DIPK2B: variants seen among roughly 807,000 people sequenced by gnomAD.
DIPK2B encodes UPF0672 protein CXorf36.
A neutral mutation model predicts 22.2 loss-of-function variants in DIPK2B; 15 were observed. The ratio of observed to expected loss-of-function variants is 0.68; its 90% CI spans 0.45 to 1.04. The LOEUF is 1.04. Among genes scored for constraint, DIPK2B ranks in the 50% least tolerant of loss-of-function variants. The probability of loss-of-function intolerance (pLI) is 0.00; values close to 1 mark genes in which losing one functional copy is unlikely to be tolerated. For missense variants in DIPK2B, 345 were observed against 348.3 expected, an observed-to-expected ratio of 0.99 and a Z score of 0.08; for synonymous variants, 163 against 153.2, an observed-to-expected ratio of 1.06 and a Z score of -0.47.
chrX:45,156,167 T>G (rs1157324451), intron 3 of DIPK2B, among the ~76,000 whole-genome samples: 1 of 108,970 alleles, frequency 9.2e-6, no homozygotes, highest in African/African-American at 3.4e-5. Flanking sequence ...AGACTGGGCT[T>G]CATCATGTTG....
In DIPK2B at chrX:45,163,506, G is replaced by A. The variant is rs2047032413; in HGVS notation, c.499-5618C>T. 2.4e-5 allele frequency: 18 copies of A among 752,411 alleles called. No individual in the cohort carries two copies. The South Asian group carries it at 1.2e-3, about 48-fold the overall frequency. 62.0% of individuals were successfully genotyped at this position (752,411 alleles called of 1,213,427 possible). ...AATAGAGGAGAAGTAGCTTCCCCAA[G>A]GAGTCATTTGACCTGCGATTGGCTT... is the stretch of plus-strand genomic sequence containing the variant. On this transcript the variant is annotated intron_variant, in intron 2 of 4. Coordinates refer to ENST00000398000, the MANE Select transcript of DIPK2B (RefSeq NM_176819.4).
chrX:45,187,760 A>G (rs943232866), intron 2 of DIPK2B, among the ~76,000 whole-genome samples: 3 of 111,129 alleles, frequency 2.7e-5, no homozygotes, highest in Non-Finnish European at 5.7e-5. Flanking sequence ...AACCGGCCAG[A>G]TCCCTCCTCC....
intron 3 of DIPK2B, 41 bp from the exon 4 acceptor site, chrX:45,154,239 G>A: frequency 9.1e-7 from 1 of 1,094,662 alleles, no homozygotes; most frequent in Non-Finnish European, 1.2e-6. Flanking sequence ...GAAAAATCTG[G>A]TGACAGCTCT....
intron 1 of DIPK2B, among the ~76,000 whole-genome samples, 187 bp downstream of exon 1, chrX:45,200,407 T>C (rs2047260973): frequency 8.9e-6 from 1 of 112,234 alleles, no homozygotes; most frequent in Non-Finnish European, 1.9e-5. Flanking sequence ...CATTTAGGGC[T>C]GGAATTTGGC....
chrX:45,169,186 T>A (rs897950473), intron 2 of DIPK2B, among the ~76,000 whole-genome samples: 2 of 111,679 alleles, frequency 1.8e-5, no homozygotes, highest in African/African-American at 6.5e-5. Context: ...AAGATGGTTA[T>A]CCTCATAATT....
At chrX:45,162,866 T>G in intron 2 of DIPK2B, 3 of 754,385 alleles carry the variant, frequency 4.0e-6, no homozygotes, top group Non-Finnish European at 4.7e-6. Flanking sequence ...CTTGGCTATA[T>G]TGTTACTTGA....
chrX:45,172,078 A>G (rs1422300271), intron 2 of DIPK2B, among the ~76,000 whole-genome samples: 1 of 111,972 alleles, frequency 8.9e-6, no homozygotes, highest in Non-Finnish European at 1.9e-5. Context: ...GTCTGCTGAG[A>G]GATAATGGAG....
At chrX:45,181,146 A>C (rs1238089224) in intron 2 of DIPK2B, among the ~76,000 whole-genome samples, 1 of 112,122 alleles carries the variant, frequency 8.9e-6, no homozygotes, top group Non-Finnish European at 1.9e-5. Context: ...AACATCAAAA[A>C]ACATCAAATA....
At chrX:45,174,127 C>T (rs946142174) in intron 2 of DIPK2B, among the ~76,000 whole-genome samples, 1 of 111,581 alleles carries the variant, frequency 9.0e-6, no homozygotes, top group Non-Finnish European at 1.9e-5. Flanking sequence ...AGTTCCAACC[C>T]AGGTCTGTCA....
At position 45,200,751 on chromosome X, in the gene DIPK2B, G is replaced by A. The variant is rs370832509; in HGVS notation, c.76C>T (p.Leu26=). ...WLALLLWVSA[L]SCSFSLPASS... ...GCTGGCAAGGAGAAAGAACAGCTCA[G>A]GGCTGAGACCCACAGCAGCAGGGCC... The change falls in exon 1 of 5, where the codon CTG becomes TTG. Residue 26 remains leucine, a synonymous_variant. Coordinates refer to ENST00000398000, the MANE Select transcript of DIPK2B (RefSeq NM_176819.4). 19 of 1,210,150 alleles carry A rather than the reference G, an allele frequency of 1.6e-5. No individual in the cohort carries two copies. The African/African-American group carries it at 3.3e-4, about 21-fold the overall frequency.
chrX:45,176,189 GC>G (rs1327972729), intron 2 of DIPK2B, among the ~76,000 whole-genome samples: 2 of 110,796 alleles, frequency 1.8e-5, no homozygotes, highest in African/African-American at 6.6e-5. Flanking sequence ...TCACCACTGG[GC>G]TATGGACAGG....
chrX:45,198,642 T>C (rs1195757076), intron 1 of DIPK2B, among the ~76,000 whole-genome samples: 2 of 111,857 alleles, frequency 1.8e-5, no homozygotes, highest in African/African-American at 6.5e-5. Context: ...TATTGCCCTT[T>C]GGTGAATATG....
intron 2 of DIPK2B, among the ~76,000 whole-genome samples, chrX:45,175,185 G>A (rs920377564): frequency 3.6e-5 from 4 of 111,878 alleles, no homozygotes; most frequent in Non-Finnish European, 7.5e-5. Flanking sequence ...TAGCAGGTAT[G>A]TGGTAGTTTT....
At chrX:45,155,244 A>G (rs1204534901) in intron 3 of DIPK2B, among the ~76,000 whole-genome samples, 2 of 109,711 alleles carry the variant, frequency 1.8e-5, no homozygotes, top group Non-Finnish European at 3.8e-5. Context: ...CCAACATGGC[A>G]TAGCCTTGTC....
At chrX:45,159,656 G>T (rs1001114491) in intron 2 of DIPK2B, among the ~76,000 whole-genome samples, 1 of 111,184 alleles carries the variant, frequency 9.0e-6, no homozygotes, top group African/African-American at 3.3e-5. Context: ...GAGACCATCA[G>T]GTGCCCAGCA....
intron 2 of DIPK2B, among the ~76,000 whole-genome samples, chrX:45,182,940 G>A (rs2047162900): frequency 9.0e-6 from 1 of 111,640 alleles, no homozygotes; most frequent in Non-Finnish European, 1.9e-5. Flanking sequence ...TGGGATGGTT[G>A]GTCACCCTAG....
At chrX:45,164,054 T>C in intron 2 of DIPK2B, 1 of 1,011,552 alleles carries the variant, frequency 9.9e-7, no homozygotes, top group East Asian at 3.7e-5. Flanking sequence ...GAGGGTGGCA[T>C]GGGAGCTGCA....
chrX:45,181,608 G>C (rs1397676348), intron 2 of DIPK2B, among the ~76,000 whole-genome samples: 2 of 111,815 alleles, frequency 1.8e-5, no homozygotes, highest in Non-Finnish European at 3.8e-5. Context: ...AGTGAGGAAA[G>C]AATGGTTTTT....
In DIPK2B at chrX:45,151,664, G is replaced by T; in HGVS notation, c.1290C>A (p.Asn430Lys). ...FAYRYPDCKY[N>K]DKF Reference sequence around the variant, plus strand: ...AGACACCAGCCCTTCAGAACTTATCGTTATATTTGCAATCTGGGTAACGAT... The same window carrying T: ...AGACACCAGCCCTTCAGAACTTATCTTTATATTTGCAATCTGGGTAACGAT... Residue 430 changes from asparagine to lysine, a missense_variant, in exon 5 of 5, where the codon AAC becomes AAA. Coordinates refer to ENST00000398000, the MANE Select transcript of DIPK2B (RefSeq NM_176819.4). The T allele has an allele frequency of 8.3e-7, 1 of 1,210,846 alleles. No homozygotes were observed.
Sources: allele counts gnomAD v4.1 joint callset (sites outside exome capture counted in the v4.1 genomes callset), GRCh38; gene constraint gnomAD v4.1.1; transcripts MANE v1.5; gene names NCBI Gene and HGNC (gene_info 2026-07-23, HGNC 2026-07-21).